The following RSF1 variants were observed in gnomAD, a reference collection of about 807,000 sequenced individuals.
The protein encoded by RSF1 is remodeling and spacing factor 1.
A neutral mutation model predicts 145.2 loss-of-function variants in RSF1; 13 were observed. The ratio of observed to expected loss-of-function variants is 0.09; its 90% CI spans 0.06 to 0.14. RSF1 has a LOEUF of 0.14. Among genes scored for constraint, RSF1 ranks in the 10% least tolerant of loss-of-function variants. The probability of loss-of-function intolerance (pLI) is 1.00; values close to 1 mark genes in which losing one functional copy is unlikely to be tolerated. For missense variants in RSF1, 1,517 were observed against 1,718.2 expected (o/e 0.88, Z 2.07); for synonymous variants, 577 against 592.6 (o/e 0.97, Z 0.38).
chr11:77,793,304 C>G (rs953243034), intron 1 of RSF1, among the ~76,000 whole-genome samples: 1 of 151,778 alleles, frequency 6.6e-6, no homozygotes, highest in African/African-American at 2.4e-5. Context: ...ACATAGCAAG[C>G]CCTCATCTCT....
At chr11:77,829,977 T>C in the RSF1 span, 1 of 152,032 alleles carries the variant, frequency 6.6e-6, no homozygotes, top group African/African-American at 2.4e-5. Flanking sequence ...ACAAAATTCT[T>C]TTTTATAGCC....
In RSF1 at chr11:77,667,479, G is replaced by A; in HGVS notation, c.3764C>T (p.Ser1255Phe). 2 of 1,609,464 alleles carry A rather than the reference G, an allele frequency of 1.2e-6. No individual in the cohort carries two copies. The highest frequency in any genetic ancestry group is 1.7e-6 in the Non-Finnish European group (2 of 1,179,206). ...TAGCTCATCATCTTCAGAGTTCTTG[G>A]ACAAATAGCTCTCTAGAATAAACAG... Reference protein sequence around the residue: ...SSSESEESYLSKNSEDDELAK... With the variant: ...SSSESEESYLFKNSEDDELAK... Residue 1255 changes from serine (S) to phenylalanine (F), a missense_variant, in exon 16 of 16, where the codon TCC becomes TTC. This residue lies in a region of RSF1 where 240 missense variants were observed against 231.8 expected (regional missense o/e 1.04). Coordinates refer to ENST00000308488, the MANE Select transcript of RSF1 (RefSeq NM_016578.4).
the RSF1 span, among the ~76,000 whole-genome samples, chr11:77,865,870 G>A: frequency 2.6e-5 from 4 of 151,992 alleles, no homozygotes; most frequent in African/African-American, 4.8e-5. Flanking sequence ...GGGGACCATC[G>A]GCCTCAATAG....
At chr11:77,841,204 T>A in the RSF1 span, 1 of 702,468 alleles carries the variant, frequency 1.4e-6, no homozygotes, top group Non-Finnish European at 2.6e-6. Flanking sequence ...GGAACCCTCA[T>A]GGCCTAATCA....
At chr11:77,862,935 T>C in the RSF1 span, among the ~76,000 whole-genome samples, 3 of 152,148 alleles carry the variant, frequency 2.0e-5, no homozygotes, top group Non-Finnish European at 4.4e-5. Context: ...GTTTTTGCCT[T>C]GGGGGGAACG....
At chr11:77,690,305 C>T (rs1335548335) in intron 9 of RSF1, among the ~76,000 whole-genome samples, 2 of 152,114 alleles carry the variant, frequency 1.3e-5, no homozygotes, top group African/African-American at 2.4e-5. Flanking sequence ...ATGTTAGCTG[C>T]CCACCCAAGG....
At chr11:77,864,968 CCCTGTCT>C in the RSF1 span, among the ~76,000 whole-genome samples, 1 of 152,042 alleles carries the variant, frequency 6.6e-6, no homozygotes, top group Non-Finnish European at 1.5e-5. Context: ...CAGAGTGAGA[CCCTGTCT>C]CAAAAACAAA....
chr11:77,776,217 AAAAC>A (rs1948340675), intron 1 of RSF1, among the ~76,000 whole-genome samples: 2 of 152,132 alleles, frequency 1.3e-5, no homozygotes, highest in South Asian at 2.1e-4. Context: ...TGTATCACTA[AAAAC>A]AAACAAACAA....
chr11:77,734,643 G>T (rs941503448), intron 4 of RSF1: 12 of 1,485,916 alleles, frequency 8.1e-6, no homozygotes, highest in African/African-American at 2.8e-5. Flanking sequence ...CACACAAATG[G>T]GGGTCATTTT....
chr11:77,733,356 A>G (rs544527990), intron 4 of RSF1, among the ~76,000 whole-genome samples: 191 of 152,232 alleles, frequency 1.3e-3, no homozygotes, highest in African/African-American at 4.4e-3. Flanking sequence ...CTATATATAT[A>G]TATATTCTTT....
chr11:77,771,358 T>C (rs1280862431), intron 1 of RSF1, among the ~76,000 whole-genome samples: 1 of 151,980 alleles, frequency 6.6e-6, no homozygotes, highest in African/African-American at 2.4e-5. Flanking sequence ...ACCGTAAAGA[T>C]AAGAAACAGC....
intron 1 of RSF1, among the ~76,000 whole-genome samples, chr11:77,781,673 T>C (rs980367777): frequency 2.0e-5 from 3 of 152,250 alleles, no homozygotes; most frequent in African/African-American, 7.2e-5. Flanking sequence ...TTGGATAGTG[T>C]TCTGGAAATA....
rs1251938930 is a variant in RSF1 at position 77,662,966 on chromosome 11, AATG to A, written c.*3948_*3950del. Reference sequence around the variant, plus strand: ...GCAGCCATCTTATTTCTTTCAAGTTAATGATGGATTCATTTTTATTTTTTCTGA... The same window carrying A: ...GCAGCCATCTTATTTCTTTCAAGTTAATGGATTCATTTTTATTTTTTCTGA... On this transcript the variant is annotated 3_prime_UTR_variant, in exon 16 of 16. Coordinates refer to ENST00000308488, the MANE Select transcript of RSF1 (RefSeq NM_016578.4). 2.0e-5 allele frequency: 3 copies of A among 152,172 alleles called. No homozygotes were observed. The highest frequency in any genetic ancestry group is 4.4e-5 in the Non-Finnish European group (3 of 68,024). The allele number at this position is 152,172 out of a possible 1,614,324, so 9.4% of individuals were successfully genotyped here.
intron 5 of RSF1, among the ~76,000 whole-genome samples, chr11:77,709,664 A>C (rs1028782454): frequency 6.6e-6 from 1 of 152,074 alleles, no homozygotes; most frequent in Non-Finnish European, 1.5e-5. Context: ...ATTTTGCTGT[A>C]TGATAAAGGG....
intron 1 of RSF1, among the ~76,000 whole-genome samples, chr11:77,808,097 G>T (rs1948695128): frequency 6.6e-6 from 1 of 152,090 alleles, no homozygotes; most frequent in Non-Finnish European, 1.5e-5. Flanking sequence ...ACTTTGGGAG[G>T]CCAAGGCAGG....
At chr11:77,734,392 A>G (rs1054785038) in intron 4 of RSF1, 13 of 918,632 alleles carry the variant, frequency 1.4e-5, no homozygotes, top group African/African-American at 1.1e-4. Context: ...ACTTATAGAA[A>G]AGGTAAAGGA....
At chr11:77,677,163 TCA>T (rs1365785975) in intron 12 of RSF1, 164 bp from the exon 13 acceptor site, 12 of 619,934 alleles carry the variant, frequency 1.9e-5, no homozygotes, top group Non-Finnish European at 3.1e-5. Flanking sequence ...GACAGAGGTC[TCA>T]GAGTTTTAGC....
At chr11:77,804,203 T>G (rs886609957) in intron 1 of RSF1, among the ~76,000 whole-genome samples, 1 of 152,234 alleles carries the variant, frequency 6.6e-6, no homozygotes, top group Non-Finnish European at 1.5e-5. Flanking sequence ...CTTCCAGACC[T>G]TGCCCTATGG....
chr11:77,767,197 G>A (rs999816084), intron 1 of RSF1, among the ~76,000 whole-genome samples: 1 of 152,138 alleles, frequency 6.6e-6, no homozygotes, highest in Non-Finnish European at 1.5e-5. Flanking sequence ...TTTCTCTTCT[G>A]TTTTAAAACC....
Sources: allele counts gnomAD v4.1 joint callset (sites outside exome capture counted in the v4.1 genomes callset), GRCh38; gene constraint gnomAD v4.1.1; regional missense constraint gnomAD v4.1.1; transcripts MANE v1.5; gene names NCBI Gene and HGNC (gene_info 2026-07-23, HGNC 2026-07-21).